OSBPL9: variants seen among roughly 807,000 people sequenced by gnomAD.
OSBPL9 encodes the protein oxysterol-binding protein-related protein 9.
In OSBPL9, 40 loss-of-function variants were observed where a neutral mutation model predicts 106.6. The ratio of observed to expected loss-of-function variants is 0.38; its 90% CI spans 0.29 to 0.49. OSBPL9 has a LOEUF of 0.49. Ranked by LOEUF, OSBPL9 falls within the 20% of genes least tolerant of loss-of-function variation. OSBPL9 has a pLI of 0.97. For synonymous variants in OSBPL9, 269 were observed against 295.4 expected (o/e 0.91, Z 0.92); for missense variants, 609 against 887.2 (o/e 0.69, Z 3.98).
intron 8 of OSBPL9, among the ~76,000 whole-genome samples, chr1:51,755,165 T>C (rs894339183): frequency 1.2e-4 from 19 of 152,270 alleles, no homozygotes; most frequent in African/African-American, 4.6e-4. Flanking sequence ...TATTTTGTTA[T>C]GGCAGCCCAA....
chr1:51,671,191 G>A (rs1460709285), intron 3 of OSBPL9, among the ~76,000 whole-genome samples: 1 of 152,054 alleles, frequency 6.6e-6, no homozygotes, highest in African/African-American at 2.4e-5. Context: ...CATGAGATCT[G>A]GATTTTGCAA....
At position 51,789,132 on chromosome 1, in the gene OSBPL9, A is replaced by ACTT. The variant is rs1404100523; in HGVS notation, c.*1345_*1347dup. 1 of 1,089,096 alleles carries ACTT rather than the reference A, an allele frequency of 9.2e-7. No individual in the cohort carries two copies. The highest frequency in any genetic ancestry group is 1.6e-5 in the African/African-American group (1 of 63,964). The allele number at this position is 1,089,096 out of a possible 1,614,324, so 67.5% of individuals were successfully genotyped here. A position where few individuals can be genotyped will look rare whatever the true frequency, so the allele number is the denominator to read the frequency against. On this transcript the variant is annotated 3_prime_UTR_variant, in exon 24 of 24. Transcript: ENST00000428468. ...TCAAATGCTATGATGCCAGTGCAAA[A>ACTT]CTTCAATGGAAGCCCTAAGGCAGTA...
chr1:51,594,472 A>ATCACAT (rs1268153694), intron 1 of OSBPL9, among the ~76,000 whole-genome samples: 1 of 152,088 alleles, frequency 6.6e-6, no homozygotes, highest in Non-Finnish European at 1.5e-5. Context: ...CACAATCACA[A>ATCACAT]TCAATGACCC....
intron 8 of OSBPL9, among the ~76,000 whole-genome samples, chr1:51,755,473 G>A (rs897626102): frequency 1.3e-5 from 2 of 152,116 alleles, no homozygotes; most frequent in African/African-American, 2.4e-5. Context: ...AGTAATATGC[G>A]TTCAATAGAA....
intron 3 of OSBPL9, among the ~76,000 whole-genome samples, chr1:51,711,121 C>G (rs1179711374): frequency 2.0e-5 from 3 of 151,872 alleles, no homozygotes; most frequent in Non-Finnish European, 4.4e-5. Flanking sequence ...CACACAGACA[C>G]GGCAACCATC....
intron 1 of OSBPL9, among the ~76,000 whole-genome samples, chr1:51,633,813 T>G (rs899619883): frequency 6.6e-6 from 1 of 152,048 alleles, no homozygotes; most frequent in Non-Finnish European, 1.5e-5. Flanking sequence ...TTTGTAGAAA[T>G]GGGGCCTCAC....
At chr1:51,666,934 C>T (rs565960069) in intron 2 of OSBPL9, among the ~76,000 whole-genome samples, 1 of 152,288 alleles carries the variant, frequency 6.6e-6, no homozygotes, top group East Asian at 1.9e-4. Flanking sequence ...GTAAAGTGTC[C>T]AGACTGAAGG....
At chr1:51,603,063 G>A (rs923777913) in intron 2 of OSBPL9, among the ~76,000 whole-genome samples, 2 of 152,162 alleles carry the variant, frequency 1.3e-5, no homozygotes, top group African/African-American at 2.4e-5. Flanking sequence ...GTTGAAGTGG[G>A]AGAATCACTT....
chr1:51,748,522 G>C, intron 7 of OSBPL9, 124 bp downstream of exon 7: 1 of 1,080,730 alleles, frequency 9.3e-7, no homozygotes, highest in Non-Finnish European at 1.2e-6. Context: ...ATATTATACA[G>C]GGGTGCTTAA....
intron 1 of OSBPL9, among the ~76,000 whole-genome samples, chr1:51,622,183 TG>T (rs1408563428): frequency 6.6e-6 from 1 of 152,060 alleles, no homozygotes; most frequent in South Asian, 2.1e-4. Context: ...AAGAACAGGT[TG>T]GGGGAGAGAA....
intron 5 of OSBPL9, 65 bp from the exon 6 acceptor site, chr1:51,746,644 GT>G (rs1394276580): frequency 2.0e-5 from 22 of 1,127,600 alleles, no homozygotes; most frequent in Non-Finnish European, 2.8e-5. Flanking sequence ...GTTTTTCTGT[GT>G]TTAGTGAATG....
chr1:51,523,507 A>G, the OSBPL9 span, among the ~76,000 whole-genome samples: 1 of 152,110 alleles, frequency 6.6e-6, no homozygotes, highest in East Asian at 1.9e-4. Context: ...AATTTGTCCA[A>G]ATTCATAATG....
chr1:51,763,760 A>C (rs984054883), intron 11 of OSBPL9, among the ~76,000 whole-genome samples: 1 of 152,160 alleles, frequency 6.6e-6, no homozygotes, highest in Non-Finnish European at 1.5e-5. Context: ...AAATTGAAAT[A>C]TTTTGGCTGA....
intron 4 of OSBPL9, among the ~76,000 whole-genome samples, chr1:51,740,974 C>G (rs913780384): frequency 1.3e-5 from 2 of 152,192 alleles, no homozygotes; most frequent in Non-Finnish European, 2.9e-5. Flanking sequence ...GCACTTCAGA[C>G]AGTTTTAAGG....
chr1:51,544,425 A>G, the OSBPL9 span, among the ~76,000 whole-genome samples: 7,576 of 152,238 alleles, frequency 0.05, 240 homozygotes, highest in East Asian at 0.12. Context: ...TGGGACTGGT[A>G]CTCTGTGTTT....
chr1:51,672,826 G>C (rs1650227174), intron 3 of OSBPL9, among the ~76,000 whole-genome samples: 1 of 152,158 alleles, frequency 6.6e-6, no homozygotes, highest in South Asian at 2.1e-4. Context: ...AACTAGTTTT[G>C]GGAGGGTGAG....
At chr1:51,730,340 A>G (rs564310282) in intron 4 of OSBPL9, among the ~76,000 whole-genome samples, 3 of 152,352 alleles carry the variant, frequency 2.0e-5, no homozygotes, top group African/African-American at 7.2e-5. Context: ...TTTTAAGCAG[A>G]AAAGTTAAGC....
chr1:51,596,605 C>A (rs1322618605), intron 1 of OSBPL9, among the ~76,000 whole-genome samples: 2 of 145,934 alleles, frequency 1.4e-5, no homozygotes, highest in East Asian at 4.0e-4. Flanking sequence ...CATGGTGAAA[C>A]CCCATCCCTA....
chr1:51,560,062 A>C, the OSBPL9 span, among the ~76,000 whole-genome samples: 18 of 152,226 alleles, frequency 1.2e-4, no homozygotes, highest in Admixed American at 3.9e-4. Flanking sequence ...CAGAGAAGCA[A>C]GAAAGTATAA....
Sources: gnomAD v4.1 joint callset for allele counts (sites outside exome capture counted in the v4.1 genomes callset) on GRCh38, gnomAD v4.1.1 for gene constraint, MANE v1.5 for transcripts, NCBI Gene and HGNC (gene_info 2026-07-23, HGNC 2026-07-21) for gene names.